PGLYRP2: variants seen among roughly 807,000 people sequenced by gnomAD.
PGLYRP2 encodes the protein peptidoglycan recognition protein 2.
In PGLYRP2, 38 loss-of-function variants were observed where a neutral mutation model predicts 46.2. The observed-to-expected ratio is 0.82, with a 90% CI of 0.64 to 1.08. The LOEUF (loss-of-function observed/expected upper bound fraction) is 1.08. PGLYRP2 is among the 50% of genes least tolerant of loss of function. The pLI is 0.00. For missense variants in PGLYRP2, 713 were observed against 755.9 expected, an observed-to-expected ratio of 0.94 and a Z score of 0.67; for synonymous variants, 289 against 329.4, an observed-to-expected ratio of 0.88 and a Z score of 1.33.
At chr19:15,471,103 C>CTT (rs71176418) in intron 3 of PGLYRP2, among the ~76,000 whole-genome samples, 1,297 of 79,462 alleles carry the variant, frequency 0.016, 250 homozygotes, top group African/African-American at 0.055. Context: ...CCATGCCCAG[C>CTT]TTTTTTTTTT....
In PGLYRP2 at chr19:15,475,546, G is replaced by A. The variant is rs776481706; in HGVS notation, c.1124C>T (p.Ala375Val). The change falls in exon 2 of 5, where the codon GCC becomes GTC. Residue 375 changes from alanine (A) to valine (V), a missense_variant. Physicochemically the swap from Ala to Val is moderately conservative, Grantham distance 64. Transcript: ENST00000340880. ...AANATKEFTEAFLGCPAIHPR... is the reference protein window; with the variant it reads ...AANATKEFTEVFLGCPAIHPR... ...GTGGGGAACTTCCTCACCCAGGAAG[G>A]CCTCAGTGAATTCCTTGGTAGCATT... is the stretch of plus-strand genomic sequence containing the variant. 1 of 1,596,266 alleles carries A rather than the reference G, an allele frequency of 6.3e-7. No homozygotes were observed. Among genetic ancestry groups the A allele is most frequent in the East Asian group, 2.2e-5 (1 of 44,652 alleles).
chr19:15,472,315 C>T (rs1051153068), intron 2 of PGLYRP2, among the ~76,000 whole-genome samples: 2 of 151,600 alleles, frequency 1.3e-5, no homozygotes, highest in Admixed American at 6.6e-5. Flanking sequence ...GTGGGCCGGA[C>T]GTAGTGGGTC....
intron 1 of PGLYRP2, 108 bp downstream of exon 1, chr19:15,479,203 G>C (rs775620103): frequency 1.7e-5 from 20 of 1,155,262 alleles, no homozygotes; most frequent in Non-Finnish European, 2.6e-5. Flanking sequence ...TTCTTTGAGA[G>C]CTTGAGTCTC....
intron 1 of PGLYRP2, among the ~76,000 whole-genome samples, chr19:15,477,259 G>A (rs571441546): frequency 6.6e-6 from 1 of 152,100 alleles, no homozygotes; most frequent in South Asian, 2.1e-4. Flanking sequence ...CAGGCATGGT[G>A]GTGTGTGCCT....
chr19:15,474,839 T>C (rs1970779182), intron 2 of PGLYRP2, among the ~76,000 whole-genome samples: 2 of 151,880 alleles, frequency 1.3e-5, no homozygotes, highest in Non-Finnish European at 2.9e-5. Context: ...TACAAAAAAT[T>C]ACCCAGACAT....
chr19:15,476,576 G>C lies in PGLYRP2; in HGVS notation c.94C>G (p.Gln32Glu), dbSNP rs1241223759. Residue 32 changes from glutamine (Q) to glutamate (E), a missense_variant, in exon 2 of 5, where the codon CAG (glutamine) becomes GAG (glutamate). Physicochemically the swap from Gln to Glu is conservative, Grantham distance 29 (BLOSUM62 2). Transcript: ENST00000340880. ...TTCTGCTCCAGCTCAGCCAGGGCCT[G>C]GATGACAGAGTCCATGAGCAGGGGC... is the stretch of plus-strand genomic sequence containing the variant. ...SLPLLMDSVI[Q>E]ALAELEQKVP... 5 of 1,610,200 alleles carry C rather than the reference G, an allele frequency of 3.1e-6. No homozygotes were observed. Among genetic ancestry groups the C allele is most frequent in the Non-Finnish European group, 4.2e-6 (5 of 1,178,288 alleles).
Position 15,471,940 on chromosome 19 carries a change from G to C in PGLYRP2, c.1293C>G (p.Ser431=). 1 of 1,614,122 alleles carries C rather than the reference G, an allele frequency of 6.2e-7. No individual in the cohort carries two copies. The highest frequency in any genetic ancestry group is 1.6e-4 in the Middle Eastern group (1 of 6,062). ...DFTRCAANMR[S]MQRYHQDTQG... ...GCGTGTCCTGGTGGTAGCGCTGCAT[G>C]GAGCGCATGTTGGCTGCGCAGCGCG... Residue 431 remains serine, a synonymous_variant, in exon 3 of 5, where the codon TCC becomes TCG. Coordinates refer to ENST00000340880, the MANE Select transcript of PGLYRP2 (RefSeq NM_052890.4).
chr19:15,474,838 T>C (rs1290806179), intron 2 of PGLYRP2, among the ~76,000 whole-genome samples: 5 of 151,908 alleles, frequency 3.3e-5, no homozygotes, highest in Admixed American at 6.6e-5. Context: ...ATACAAAAAA[T>C]TACCCAGACA....
intron 2 of PGLYRP2, 117 bp from the exon 3 acceptor site, chr19:15,472,217 TCCAGTCTCAC>T (rs1970757339): frequency 1.2e-6 from 1 of 827,796 alleles, no homozygotes; most frequent in Non-Finnish European, 1.9e-6. Context: ...TTGGAAAGGG[TCCAGTCTCAC>T]CCCACATTGG....
Position 15,469,286 on chromosome 19 carries a change from T to C in PGLYRP2, c.1641+346A>G, listed in dbSNP as rs1245348121. Reference sequence around the variant, plus strand: ...GGTTGTGACTTGGGTAGAGAAGTCATGAAGGCCAGGCTGAGGTTGTGAGGG... The same window carrying C: ...GGTTGTGACTTGGGTAGAGAAGTCACGAAGGCCAGGCTGAGGTTGTGAGGG... On this transcript the variant is annotated intron_variant, in intron 4 of 4. Transcript: ENST00000340880. This position sits in a 1 kb window ranked among gnomAD's most constrained non-coding sequence, Gnocchi z 4.9. The C allele has an allele frequency of 6.6e-6, 4 of 608,576 alleles. No homozygotes were observed. The highest frequency in any genetic ancestry group is 1.2e-5 in the Non-Finnish European group (4 of 338,398). The allele number at this position is 608,576 out of a possible 1,614,324, so 37.7% of individuals were successfully genotyped here.
At chr19:15,470,245 C>T (rs868256347) in intron 3 of PGLYRP2, among the ~76,000 whole-genome samples, 3,683 of 93,100 alleles carry the variant, frequency 0.04, 83 homozygotes, top group East Asian at 0.11. Flanking sequence ...TTTTTCTTTC[C>T]TTCCTTCCTT....
rs1246466475 is a variant in PGLYRP2 at position 15,469,111 on chromosome 19, G to A, written c.1642-359C>T. ...TCAGAGTTGAGATTGTCTGGACAGA[G>A]AATTGCAACACAGGATTAAGGACTG... is the stretch of plus-strand genomic sequence containing the variant. On this transcript the variant is annotated intron_variant, in intron 4 of 4. Coordinates refer to ENST00000340880, the MANE Select transcript of PGLYRP2 (RefSeq NM_052890.4). The surrounding 1 kb of genome is among the most constrained non-coding windows in gnomAD (Gnocchi z 4.9). 2 of 534,620 alleles carry A rather than the reference G, an allele frequency of 3.7e-6. No homozygotes were observed. The highest frequency in any genetic ancestry group is 4.7e-4 in the Middle Eastern group (1 of 2,108). 33.1% of individuals were successfully genotyped at this position (534,620 alleles called of 1,614,324 possible).
rs531337881 is a variant in PGLYRP2, at chr19:15,470,270, T to C, written c.1344-341A>G. On this transcript the variant is annotated intron_variant, in intron 3 of 4. Coordinates refer to ENST00000340880, the MANE Select transcript of PGLYRP2 (RefSeq NM_052890.4). ...CTTCCTTCCTTCCTTCCTTCCTTCC[T>C]TCCTTCCTTCCTTCCTTCCTTCCTT... 5.5e-5 allele frequency among the ~76,000 whole-genome samples: 7 copies of C among 127,668 alleles called. 1 individual carries two copies. The South Asian group carries it at 1.8e-3, about 33-fold the overall frequency. 83.8% of individuals were successfully genotyped at this position (127,668 alleles called of 152,430 possible).
intron 1 of PGLYRP2, among the ~76,000 whole-genome samples, chr19:15,477,471 G>A (rs1217152985): frequency 6.6e-6 from 1 of 150,858 alleles, no homozygotes; most frequent in Non-Finnish European, 1.5e-5. Context: ...GCAGAGGCGG[G>A]TGGATCACCT....
intron 3 of PGLYRP2, among the ~76,000 whole-genome samples, chr19:15,471,471 T>C (rs1970748404): frequency 6.7e-6 from 1 of 148,360 alleles, no homozygotes; most frequent in Non-Finnish European, 1.5e-5. Flanking sequence ...CTTCCTATAT[T>C]GCTCAGGCTG....
In PGLYRP2 at chr19:15,469,453, C is replaced by T. The variant is rs1970721724; in HGVS notation, c.1641+179G>A. On this transcript the variant is annotated intron_variant, in intron 4 of 4. Coordinates refer to ENST00000340880, the MANE Select transcript of PGLYRP2 (RefSeq NM_052890.4). The surrounding 1 kb of genome is among the most constrained non-coding windows in gnomAD (Gnocchi z 4.9). Reference sequence around the variant, plus strand: ...AGAAGTCACAGGATCAGGGATGTTGCCCGCAGAGTGACCCGCAAAGGCTGG... The same window carrying T: ...AGAAGTCACAGGATCAGGGATGTTGTCCGCAGAGTGACCCGCAAAGGCTGG... 1.1e-6 allele frequency: 1 copy of T among 884,100 alleles called. No individual in the cohort carries two copies. Among genetic ancestry groups the T allele is most frequent in the Non-Finnish European group, 1.8e-6 (1 of 549,890 alleles). 54.8% of individuals were successfully genotyped at this position (884,100 alleles called of 1,614,324 possible).
chr19:15,470,293 C>CTTCCTTCCTTCCTTCCTTCCTTCT (rs769321802), intron 3 of PGLYRP2, among the ~76,000 whole-genome samples: 217 of 101,770 alleles, frequency 2.1e-3, no homozygotes, highest in Middle Eastern at 5.3e-3. Flanking sequence ...TCCTTCCTTC[C>CTTCCTTCCTTCCTTCCTTCCTTCT]TTCTTTCTTT....
Position 15,469,115 on chromosome 19 carries a change from T to C in PGLYRP2, c.1642-363A>G. 1 of 533,624 alleles carries C rather than the reference T, an allele frequency of 1.9e-6. No homozygotes were observed. Among genetic ancestry groups the C allele is most frequent in the South Asian group, 2.8e-5 (1 of 36,362 alleles). 33.1% of individuals were successfully genotyped at this position (533,624 alleles called of 1,614,324 possible). A position where few individuals can be genotyped will look rare whatever the true frequency, so the allele number is the denominator to read the frequency against. Reference sequence around the variant, plus strand: ...AGTTGAGATTGTCTGGACAGAGAATTGCAACACAGGATTAAGGACTGGACA... The same window carrying C: ...AGTTGAGATTGTCTGGACAGAGAATCGCAACACAGGATTAAGGACTGGACA... On this transcript the variant is annotated intron_variant, in intron 4 of 4. Transcript: ENST00000340880. This position sits in a 1 kb window ranked among gnomAD's most constrained non-coding sequence, Gnocchi z 4.9.
intron 2 of PGLYRP2, among the ~76,000 whole-genome samples, chr19:15,474,595 C>G (rs916544093): frequency 6.6e-6 from 1 of 151,900 alleles, no homozygotes; most frequent in African/African-American, 2.4e-5. Flanking sequence ...GGTCTGAGAG[C>G]CCTGGACGAA....
Sources: gnomAD v4.1 joint callset for allele counts (sites outside exome capture counted in the v4.1 genomes callset) on GRCh38, gnomAD v4.1.1 for gene constraint, Gnocchi (gnomAD v3.1) non-coding constraint, MANE v1.5 for transcripts, NCBI Gene and HGNC (gene_info 2026-07-23, HGNC 2026-07-21) for gene names.